The following MAP1S variants were observed in gnomAD, a reference collection of about 807,000 sequenced individuals.
MAP1S encodes microtubule associated protein 1S, also known as microtubule-associated protein 1S.
MAP1S carries 27 observed loss-of-function variants against 60.9 expected under a neutral mutation model. That is an observed-to-expected ratio of 0.44 (90% confidence interval 0.33 to 0.61). MAP1S has a LOEUF of 0.61. Ranked by LOEUF, MAP1S falls within the 20% of genes least tolerant of loss-of-function variation. The pLI, the probability that MAP1S is intolerant of heterozygous loss-of-function variation, is 0.03. For missense variants in MAP1S, 1,608 were observed against 1,486.6 expected (o/e 1.08, Z -1.34); for synonymous variants, 826 against 694.2 (o/e 1.19, Z -2.98).
Position 17,726,599 on chromosome 19 carries a change from C to T in MAP1S, c.1215C>T (p.Ala405=), listed in dbSNP as rs534778227. The T allele has an allele frequency of 1.9e-5, 30 of 1,570,802 alleles. No homozygotes were observed. The South Asian group carries it at 3.1e-4, about 16-fold the overall frequency. The change falls in exon 5 of 7, where the codon GCC becomes GCT. Residue 405 remains alanine (A), a synonymous_variant. Coordinates refer to ENST00000324096, the MANE Select transcript of MAP1S (RefSeq NM_018174.6). ...MYVLHPPSAG[A]ERTLASVCAL... is the part of the protein sequence containing the mutation. ...TGCTGCACCCGCCCTCCGCCGGCGC[C>T]GAGCGCACGCTGGCCTCTGTGTGCG...
chr19:17,720,318 C>A (rs1383041356), intron 1 of MAP1S: 3 of 1,471,276 alleles, frequency 2.0e-6, no homozygotes, highest in East Asian at 5.3e-5. Context: ...ACACGCACCT[C>A]GGTTCATGTG....
rs150761669 is a variant in MAP1S at position 17,727,933 on chromosome 19, C to A, written c.2549C>A (p.Pro850His). ...ATGGTGGACCCCGAGATGCTGCCCC[C>A]CAAGACAGCACGGCAAACGGAGAAC... ...ICMVDPEMLPPKTARQTENVS... is the reference protein window; with the variant it reads ...ICMVDPEMLPHKTARQTENVS... The change falls in exon 5 of 7, where the codon CCC becomes CAC. Residue 850 changes from proline to histidine, a missense_variant. By Grantham distance (77) the Pro-to-His change is moderately conservative. This residue lies in a region of MAP1S where 1,167 missense variants were observed against 961.4 expected (regional missense o/e 1.21). Coordinates refer to ENST00000324096, the MANE Select transcript of MAP1S (RefSeq NM_018174.6). This position sits in a 1 kb window ranked among gnomAD's most constrained non-coding sequence, Gnocchi z 4.1. 1.9e-6 allele frequency: 3 copies of A among 1,609,750 alleles called. No homozygotes were observed. Among genetic ancestry groups the A allele is most frequent in the East Asian group, 2.2e-5 (1 of 44,762 alleles).
Position 17,733,327 on chromosome 19 carries a change from T to A in MAP1S, c.2923T>A (p.Cys975Ser), listed in dbSNP as rs2080509905. 6.2e-7 allele frequency: 1 copy of A among 1,608,308 alleles called. No individual in the cohort carries two copies. The highest frequency in any genetic ancestry group is 1.3e-5 in the African/African-American group (1 of 74,952). Residue 975 changes from cysteine to serine, a missense_variant, in exon 6 of 7, where the codon TGC becomes AGC. Cys to Ser is a moderately radical substitution (Grantham distance 112, BLOSUM62 -1). Transcript: ENST00000324096. The part of the protein sequence containing the change: ...EEFFQRVRAL[C>S]YVISGQDQRK... ...GTTCTTCCAGCGCGTGCGCGCGCTC[T>A]GCTACGTCATCAGTGGCCAGGACCA...
chr19:17,728,252 A>T lies in MAP1S; in HGVS notation c.2788+80A>T. The T allele has an allele frequency of 2.8e-6, 4 of 1,429,036 alleles. No individual in the cohort carries two copies. In the African/African-American group the frequency reaches 5.7e-5, roughly 20 times the overall value. The allele number at this position is 1,429,036 out of a possible 1,614,324, so 88.5% of individuals were successfully genotyped here. On this transcript the variant is annotated intron_variant, in intron 5 of 6. Transcript: ENST00000324096. ...GCATAGCTCGTCCCCCTGTTTTTAC[A>T]TTTTCAGTTTTTTTAAAAGAGATGG...
Position 17,734,360 on chromosome 19 carries a change from G to C in MAP1S, c.3112G>C (p.Val1038Leu). The C allele has an allele frequency of 6.2e-7, 1 of 1,613,800 alleles. No individual in the cohort carries two copies. The highest frequency in any genetic ancestry group is 8.5e-7 in the Non-Finnish European group (1 of 1,179,994). ...HARHQALGIT[V>L]LGSNSMVSMQ... ...CCGGCACCAGGCGCTGGGCATCACG[G>C]TGTTGGGCAGCAACAGCATGGTGTC... Residue 1038 changes from valine to leucine, a missense_variant, in exon 7 of 7, where the codon GTG becomes CTG. By Grantham distance (32) the Val-to-Leu change is conservative. Around this residue, in one of 4 missense-constraint regions of MAP1S, gnomAD observed 76 missense variants for 110.1 expected, o/e 0.69. Transcript: ENST00000324096.
At chr19:17,724,951 G>A (rs2080403697) in intron 3 of MAP1S, 98 bp from the exon 4 acceptor site, 1 of 1,473,444 alleles carries the variant, frequency 6.8e-7, no homozygotes, top group Non-Finnish European at 9.5e-7. Flanking sequence ...GAGGACAGGA[G>A]AGGGGTGGTT....
chr19:17,725,186 A>G lies in MAP1S; in HGVS notation c.441A>G (p.Arg147=), dbSNP rs779441813. The G allele has an allele frequency of 3.1e-6, 5 of 1,611,062 alleles. No individual in the cohort carries two copies. Among genetic ancestry groups the G allele is most frequent in the Admixed American group, 1.7e-5 (1 of 59,660 alleles). ...ACTTCCTCCAGGTCCTGAAGGACAG[A>G]GAGGTAAGCCACCCCTTTGCCATCC... ...PHHFLQVLKD[R]EIRDILATTP... Residue 147 remains arginine, a synonymous_variant, in exon 4 of 7, where the codon AGA becomes AGG. Coordinates refer to ENST00000324096, the MANE Select transcript of MAP1S (RefSeq NM_018174.6). This position sits in a 1 kb window ranked among gnomAD's most constrained non-coding sequence, Gnocchi z 4.2.
At chr19:17,720,517 A>G (rs1181930246) in intron 1 of MAP1S, 4 of 1,502,030 alleles carry the variant, frequency 2.7e-6, no homozygotes, top group Non-Finnish European at 8.8e-7. Flanking sequence ...AGAAGGCTGC[A>G]AGGGACTGAG....
At position 17,727,803 on chromosome 19, in the gene MAP1S, GCAGACT is replaced by G; in HGVS notation, c.2425_2430del (p.Ser809_Asp810del). 1 of 1,612,310 alleles carries G rather than the reference GCAGACT, an allele frequency of 6.2e-7. No individual in the cohort carries two copies. Among genetic ancestry groups the G allele is most frequent in the Non-Finnish European group, 8.5e-7 (1 of 1,179,420 alleles). On this transcript the variant is annotated inframe_deletion, in exon 5 of 7. Transcript: ENST00000324096. This position sits in a 1 kb window ranked among gnomAD's most constrained non-coding sequence, Gnocchi z 4.1. ...TCCCGTGCCCCTGGCCCCCGGTGCGGCAGACTCAGACGAAGACACAGAGGGCTTTGG... is the reference window on the plus strand; with the variant it reads ...TCCCGTGCCCCTGGCCCCCGGTGCGGCAGACGAAGACACAGAGGGCTTTGG...
At chr19:17,724,518 C>T (rs948814955) in intron 3 of MAP1S, among the ~76,000 whole-genome samples, 5 of 152,160 alleles carry the variant, frequency 3.3e-5, no homozygotes, top group East Asian at 1.9e-4. Context: ...GGGTTCCCTC[C>T]GGCTAGGCCC....
rs1470558874 is a variant in MAP1S, at chr19:17,727,060, C to T, written c.1676C>T (p.Ala559Val). ...CTCAAGAAGACGAATGCCCAGGCGG[C>T]ACCCAAGCCCCGCAAAGCGCCCAGC... ...PNLKKTNAQA[A>V]PKPRKAPSTS... Residue 559 changes from alanine (A) to valine (V), a missense_variant, in exon 5 of 7, where the codon GCA becomes GTA. Coordinates refer to ENST00000324096, the MANE Select transcript of MAP1S (RefSeq NM_018174.6). The surrounding 1 kb of genome is among the most constrained non-coding windows in gnomAD (Gnocchi z 4.1). The T allele has an allele frequency of 1.9e-6, 3 of 1,605,558 alleles. No individual in the cohort carries two copies. Among genetic ancestry groups the T allele is most frequent in the Middle Eastern group, 1.7e-4 (1 of 6,054 alleles).
chr19:17,728,350 A>G (rs770711220), intron 5 of MAP1S, among the ~76,000 whole-genome samples, 178 bp downstream of exon 5: 2 of 152,170 alleles, frequency 1.3e-5, no homozygotes, highest in Non-Finnish European at 2.9e-5. Context: ...ATGGGGCTCA[A>G]GCCACCCTCC....
chr19:17,727,021 C>T lies in MAP1S; in HGVS notation c.1637C>T (p.Ser546Phe). ...CCGCGGGAGGTGCGCCGGGCAGCCT[C>T]TTCTGTGCCCAACCTCAAGAAGACG... ...TQPREVRRAA[S>F]SVPNLKKTNA... The change falls in exon 5 of 7, where the codon TCT (serine) becomes TTT (phenylalanine). Residue 546 changes from serine (S) to phenylalanine (F), a missense_variant. Physicochemically the swap from Ser to Phe is radical, Grantham distance 155. Around this residue, in one of 4 missense-constraint regions of MAP1S, gnomAD observed 1,167 missense variants for 961.4 expected, o/e 1.21. Transcript: ENST00000324096. This position sits in a 1 kb window ranked among gnomAD's most constrained non-coding sequence, Gnocchi z 4.1. 8 of 1,598,662 alleles carry T rather than the reference C, an allele frequency of 5.0e-6. No individual in the cohort carries two copies. The highest frequency in any genetic ancestry group is 3.3e-4 in the Middle Eastern group (2 of 6,046).
chr19:17,731,486 C>T (rs527280101), intron 5 of MAP1S, among the ~76,000 whole-genome samples: 4 of 152,282 alleles, frequency 2.6e-5, no homozygotes, highest in African/African-American at 9.6e-5. Flanking sequence ...ATGCCAGTGC[C>T]ACGCTGTTTT....
Position 17,734,462 on chromosome 19 carries a change from C to A in MAP1S, c.*34C>A. 1 of 1,584,000 alleles carries A rather than the reference C, an allele frequency of 6.3e-7. No homozygotes were observed. The highest frequency in any genetic ancestry group is 8.6e-7 in the Non-Finnish European group (1 of 1,163,262). ...CCGACACGCCCCCCACTCAGCCCAG[C>A]CCGCCTGTCCCTAGATTCAGCCACA... On this transcript the variant is annotated 3_prime_UTR_variant, in exon 7 of 7. Transcript: ENST00000324096.
chr19:17,722,074 C>G (rs2080375490), intron 2 of MAP1S, among the ~76,000 whole-genome samples: 1 of 152,210 alleles, frequency 6.6e-6, no homozygotes, highest in Non-Finnish European at 1.5e-5. Flanking sequence ...GAAATCCTGT[C>G]TGCTGTGTGT....
Position 17,725,174 on chromosome 19 carries a change from C to G in MAP1S, c.429C>G (p.Val143=). The G allele has an allele frequency of 6.2e-7, 1 of 1,613,228 alleles. No homozygotes were observed. The highest frequency in any genetic ancestry group is 1.1e-5 in the South Asian group (1 of 90,996). The change falls in exon 4 of 7, where the codon GTC becomes GTG. Residue 143 remains valine, a synonymous_variant. Coordinates refer to ENST00000324096, the MANE Select transcript of MAP1S (RefSeq NM_018174.6). The surrounding 1 kb of genome is among the most constrained non-coding windows in gnomAD (Gnocchi z 4.2). Reference sequence around the variant, plus strand: ...TCTCGCCTCACCACTTCCTCCAGGTCCTGAAGGACAGAGAGGTAAGCCACC... The same window carrying G: ...TCTCGCCTCACCACTTCCTCCAGGTGCTGAAGGACAGAGAGGTAAGCCACC... The part of the protein sequence containing the change: ...GGFSPHHFLQ[V]LKDREIRDIL...
intron 5 of MAP1S, among the ~76,000 whole-genome samples, chr19:17,729,221 T>A (rs1053716370): frequency 6.6e-6 from 1 of 152,108 alleles, no homozygotes; most frequent in Non-Finnish European, 1.5e-5. Context: ...GCTTCATTTC[T>A]CCAGTAGCAA....
chr19:17,725,921 AC>A lies in MAP1S; in HGVS notation c.540del (p.Ala181LeufsTer15). ...PTFGDWAQLAPAVPGLQGALR... is the reference protein window; with the variant it reads ...PTFGDWAQLAXAVPGLQGALR... ...CCTTCGGTGACTGGGCTCAGCTGGC[AC>A]CCGCTGTGCCTGGCCTTCAGGGGGC... On this transcript the variant is annotated frameshift_variant, in exon 5 of 7. Coordinates refer to ENST00000324096, the MANE Select transcript of MAP1S (RefSeq NM_018174.6). LOFTEE classifies it high-confidence loss of function. The surrounding 1 kb of genome is among the most constrained non-coding windows in gnomAD (Gnocchi z 4.2). The A allele has an allele frequency of 6.2e-7, 1 of 1,613,434 alleles. No homozygotes were observed. The highest frequency in any genetic ancestry group is 8.5e-7 in the Non-Finnish European group (1 of 1,179,872).
Sources: allele counts gnomAD v4.1 joint callset (sites outside exome capture counted in the v4.1 genomes callset), GRCh38; gene constraint gnomAD v4.1.1; regional missense constraint gnomAD v4.1.1; non-coding constraint Gnocchi (gnomAD v3.1); transcripts MANE v1.5; gene names NCBI Gene and HGNC (gene_info 2026-07-23, HGNC 2026-07-21).